Variants in RAPGEF1 observed in about 807,000 individuals in gnomAD.
The protein encoded by RAPGEF1 is CRK SH3-binding GNRP.
Under a neutral mutation model 143.3 loss-of-function variants are expected in RAPGEF1, and 33 were observed. That is an observed-to-expected ratio of 0.23 (90% CI 0.17 to 0.31). The LOEUF (loss-of-function observed/expected upper bound fraction) is 0.31. Among genes scored for constraint, RAPGEF1 ranks in the 10% least tolerant of loss-of-function variants. RAPGEF1 has a pLI of 1.00. For synonymous variants in RAPGEF1, 629 were observed against 676.5 expected (o/e 0.93, Z 1.09); for missense variants, 1,199 against 1,645.4 (o/e 0.73, Z 4.69).
intron 1 of RAPGEF1, among the ~76,000 whole-genome samples, chr9:131,671,480 C>T (rs1174422818): frequency 1.3e-5 from 2 of 152,260 alleles, no homozygotes; most frequent in Non-Finnish European, 2.9e-5. Context: ...TGGCTGAGCG[C>T]CTCCAACCAG....
intron 10 of RAPGEF1, among the ~76,000 whole-genome samples, chr9:131,624,743 T>C (rs1962413600): frequency 6.6e-6 from 1 of 152,208 alleles, no homozygotes; most frequent in Non-Finnish European, 1.5e-5. Context: ...CTTCTGGCAG[T>C]GCCATTGCAC....
chr9:131,633,666 A>G (rs1280983836), intron 5 of RAPGEF1, among the ~76,000 whole-genome samples: 1 of 152,010 alleles, frequency 6.6e-6, no homozygotes, highest in Non-Finnish European at 1.5e-5. Flanking sequence ...CATGATCCCA[A>G]TGACGCTCCC....
In RAPGEF1 at chr9:131,629,188, C is replaced by T. The variant is rs772529908; in HGVS notation, c.807G>A (p.Gln269=). The T allele has an allele frequency of 3.7e-6, 6 of 1,614,012 alleles. No individual in the cohort carries two copies. The highest frequency in any genetic ancestry group is 5.1e-6 in the Non-Finnish European group (6 of 1,179,882). Residue 269 remains glutamine, a synonymous_variant, in exon 7 of 27, where the codon CAG becomes CAA. Transcript: ENST00000683357. ...EILNKTTGMS[Q]STELLPDATD... ...TGGCATCTGGGAGGAGCTCAGTTGACTGTGACATCCCAGTCGTCTTGTTTA... is the reference window on the plus strand; with the variant it reads ...TGGCATCTGGGAGGAGCTCAGTTGATTGTGACATCCCAGTCGTCTTGTTTA...
chr9:131,653,404 C>T (rs1298825814), intron 1 of RAPGEF1, among the ~76,000 whole-genome samples: 1 of 152,192 alleles, frequency 6.6e-6, no homozygotes, highest in Non-Finnish European at 1.5e-5. Context: ...GGAGGGTCAG[C>T]TATACCTGAT....
chr9:131,677,829 G>A (rs1270247051), intron 1 of RAPGEF1, among the ~76,000 whole-genome samples: 1 of 152,204 alleles, frequency 6.6e-6, no homozygotes, highest in Non-Finnish European at 1.5e-5. Context: ...GCAGAGCTCG[G>A]CCTTAACACG....
At position 131,739,129 on chromosome 9, in the gene RAPGEF1, A is replaced by G. The variant is rs137958451; in HGVS notation, c.61+641T>C. Among the ~76,000 whole-genome samples, 1,332 of 152,076 alleles carry G rather than the reference A, an allele frequency of 8.8e-3. 14 individuals are homozygous for G. Among genetic ancestry groups the G allele is most frequent in the African/African-American group, 0.029 (1,211 of 41,452 alleles). ...GGCAAACCCAGGGACTCGGAAGGTA[A>G]CTCCCCCAGATTTCTAGGAACACAC... On this transcript the variant is annotated intron_variant, in intron 1 of 26. Coordinates refer to ENST00000683357, the MANE Select transcript of RAPGEF1 (RefSeq NM_001377935.1).
At chr9:131,706,009 G>A (rs763534368) in intron 1 of RAPGEF1, among the ~76,000 whole-genome samples, 25 of 152,168 alleles carry the variant, frequency 1.6e-4, no homozygotes, top group Non-Finnish European at 2.5e-4. Flanking sequence ...CTTTGGCTCT[G>A]GTTAAAGTCT....
chr9:131,705,312 C>T (rs912339438), intron 1 of RAPGEF1, among the ~76,000 whole-genome samples: 1 of 152,098 alleles, frequency 6.6e-6, no homozygotes, highest in Non-Finnish European at 1.5e-5. Context: ...AAACAATGAA[C>T]CCTGCGACTG....
intron 15 of RAPGEF1, 186 bp from the exon 16 acceptor site, chr9:131,598,496 A>G: frequency 1.4e-6 from 1 of 697,742 alleles, no homozygotes; most frequent in Non-Finnish European, 2.6e-6. Flanking sequence ...GCCATAGGAC[A>G]GTCGCTGCTG....
At chr9:131,617,054 A>G (rs544071382) in intron 12 of RAPGEF1, among the ~76,000 whole-genome samples, 1 of 152,346 alleles carries the variant, frequency 6.6e-6, no homozygotes, top group South Asian at 2.1e-4. Flanking sequence ...TCCCAGGGAT[A>G]AAAACTATGA....
intron 12 of RAPGEF1, among the ~76,000 whole-genome samples, chr9:131,615,990 G>A (rs1379308190): frequency 2.6e-5 from 4 of 152,180 alleles, no homozygotes; most frequent in Admixed American, 2.6e-4. Context: ...GACGTGGCCA[G>A]GCGCAGTGGC....
intron 1 of RAPGEF1, among the ~76,000 whole-genome samples, chr9:131,713,110 A>C (rs1835625337): frequency 6.6e-6 from 1 of 151,434 alleles, no homozygotes; most frequent in African/African-American, 2.5e-5. Flanking sequence ...GGGAAGAATC[A>C]AAAGTGAACT....
chr9:131,621,453 G>T lies in RAPGEF1; in HGVS notation c.1905+343C>A, dbSNP rs1960988771. ...TGATTGAGTCCCTCCTTTCTGGGAGGTCTATGTTGAAGCCAAAGAAGAAAG... is the reference window on the plus strand; with the variant it reads ...TGATTGAGTCCCTCCTTTCTGGGAGTTCTATGTTGAAGCCAAAGAAGAAAG... On this transcript the variant is annotated intron_variant, in intron 11 of 26. Transcript: ENST00000683357. This position sits in a 1 kb window ranked among gnomAD's most constrained non-coding sequence, Gnocchi z 4.5. Among the ~76,000 whole-genome samples the T allele has an allele frequency of 6.6e-6, 1 of 152,184 alleles. No individual in the cohort carries two copies. The highest frequency in any genetic ancestry group is 2.4e-5 in the African/African-American group (1 of 41,428).
intron 3 of RAPGEF1, among the ~76,000 whole-genome samples, chr9:131,646,131 G>C (rs1258395899): frequency 6.6e-6 from 1 of 152,138 alleles, no homozygotes; most frequent in Non-Finnish European, 1.5e-5. Flanking sequence ...ACTGTGCTAT[G>C]GATTTTATAT....
chr9:131,588,108 C>T, intron 20 of RAPGEF1, 82 bp from the exon 21 acceptor site: 1 of 1,203,636 alleles, frequency 8.3e-7, no homozygotes, highest in Non-Finnish European at 1.2e-6. Context: ...CTGCGGGCGT[C>T]AGAGCAGGAG....
Position 131,708,036 on chromosome 9 carries a change from T to A in RAPGEF1, c.61+31734A>T, listed in dbSNP as rs1326321629. The stretch of plus-strand genomic sequence containing the variant: ...TCAAGGATTGCTAAGGAGTACCCTT[T>A]CCAAAGTAACATGTTAGACAAAAGA... On this transcript the variant is annotated intron_variant, in intron 1 of 26. Transcript: ENST00000683357. Among the ~76,000 whole-genome samples, 7 of 152,170 alleles carry A rather than the reference T, an allele frequency of 4.6e-5. No individual in the cohort carries two copies. The East Asian group carries it at 1.3e-3, about 29-fold the overall frequency.
chr9:131,592,588 T>C (rs181391522), intron 17 of RAPGEF1, among the ~76,000 whole-genome samples: 2 of 152,054 alleles, frequency 1.3e-5, no homozygotes, highest in African/African-American at 4.8e-5. Context: ...CTGTTCCAGG[T>C]AGGAGCCAGC....
At chr9:131,735,676 C>T (rs562021814) in intron 1 of RAPGEF1, among the ~76,000 whole-genome samples, 3 of 152,234 alleles carry the variant, frequency 2.0e-5, no homozygotes, top group Admixed American at 1.3e-4. Flanking sequence ...GGGATGCAAA[C>T]GCAAATGTCA....
intron 16 of RAPGEF1, among the ~76,000 whole-genome samples, chr9:131,597,325 G>A (rs1442621542): frequency 3.3e-5 from 5 of 152,210 alleles, no homozygotes; most frequent in Admixed American, 2.0e-4. Flanking sequence ...GAAATTTATG[G>A]CAAGGATCTC....
Sources: allele counts gnomAD v4.1 joint callset (sites outside exome capture counted in the v4.1 genomes callset), GRCh38; gene constraint gnomAD v4.1.1; non-coding constraint Gnocchi (gnomAD v3.1); transcripts MANE v1.5; gene names NCBI Gene and HGNC (gene_info 2026-07-23, HGNC 2026-07-21).